The following NKAIN3 variants were observed in gnomAD, a reference collection of about 807,000 sequenced individuals.
The protein encoded by NKAIN3 is sodium/potassium transporting ATPase interacting 3.
A neutral mutation model predicts 30.2 loss-of-function variants in NKAIN3; 25 were observed. That is an observed-to-expected ratio of 0.83 (90% confidence interval 0.60 to 1.16). The LOEUF (loss-of-function observed/expected upper bound fraction) is 1.16, where lower values mean the gene tolerates loss of function less well. Among genes scored for constraint, NKAIN3 ranks in the 50% most tolerant of loss-of-function variants. The pLI, the probability that NKAIN3 is intolerant of heterozygous loss-of-function variation, is 0.00. For synonymous variants in NKAIN3, 91 were observed against 89.6 expected (o/e 1.02, Z -0.09); for missense variants, 225 against 254.1 (o/e 0.89, Z 0.78).
chr8:62,855,028 A>G (rs1820017986), intron 4 of NKAIN3: 1 of 153,808 alleles, frequency 6.5e-6, no homozygotes. Flanking sequence ...CTGGGCTGGA[A>G]ATTCTTTTCT....
chr8:62,462,835 A>G (rs951192445), intron 1 of NKAIN3, among the ~76,000 whole-genome samples: 2 of 152,220 alleles, frequency 1.3e-5, no homozygotes, highest in Admixed American at 1.3e-4. Flanking sequence ...GGCTGGAGCT[A>G]GGCAGCAACC....
At chr8:62,963,911 T>G (rs1156655892) in intron 6 of NKAIN3, among the ~76,000 whole-genome samples, 1 of 152,142 alleles carries the variant, frequency 6.6e-6, no homozygotes, top group East Asian at 1.9e-4. Flanking sequence ...AGTAAAACTT[T>G]TGGGAAATTT....
intron 3 of NKAIN3, among the ~76,000 whole-genome samples, chr8:62,729,053 C>T (rs377695044): frequency 1.9e-5 from 1 of 53,396 alleles, no homozygotes; most frequent in East Asian, 4.9e-4. Context: ...AAAAAAAAAA[C>T]CTCCTGCTCT....
At chr8:62,355,708 GCT>G (rs972984722) in intron 1 of NKAIN3, among the ~76,000 whole-genome samples, 3 of 152,102 alleles carry the variant, frequency 2.0e-5, no homozygotes, top group African/African-American at 7.2e-5. Flanking sequence ...TAGTGAAATT[GCT>G]CTTTCTCCCG....
At chr8:62,602,761 T>C (rs1048670916) in intron 3 of NKAIN3, among the ~76,000 whole-genome samples, 1 of 152,120 alleles carries the variant, frequency 6.6e-6, no homozygotes, top group African/African-American at 2.4e-5. Context: ...TGTTGGTCTG[T>C]TCCAGCTACT....
chr8:62,647,534 A>G (rs1586046406), intron 3 of NKAIN3, among the ~76,000 whole-genome samples: 1 of 152,126 alleles, frequency 6.6e-6, no homozygotes. Context: ...TTAACTAGGA[A>G]AGGGGTGGGG....
chr8:62,954,744 T>C (rs1342815346), intron 6 of NKAIN3, among the ~76,000 whole-genome samples: 1 of 152,210 alleles, frequency 6.6e-6, no homozygotes, highest in African/African-American at 2.4e-5. Context: ...ATATATTATC[T>C]CACTAAATCT....
chr8:62,843,550 G>C (rs910806227), intron 4 of NKAIN3, among the ~76,000 whole-genome samples: 4 of 151,842 alleles, frequency 2.6e-5, no homozygotes, highest in African/African-American at 7.3e-5. Context: ...GGCCAGGCTG[G>C]TCTCAAACCC....
At chr8:62,607,706 G>A (rs1461468507) in intron 3 of NKAIN3, among the ~76,000 whole-genome samples, 1 of 151,820 alleles carries the variant, frequency 6.6e-6, no homozygotes, top group Admixed American at 6.6e-5. Flanking sequence ...TTGAATTTGT[G>A]AAAAGGTGAA....
chr8:62,296,615 G>A (rs1429538049), intron 1 of NKAIN3, among the ~76,000 whole-genome samples: 2 of 152,146 alleles, frequency 1.3e-5, no homozygotes, highest in Non-Finnish European at 2.9e-5. Flanking sequence ...TGTATTTCAA[G>A]TGATTGAAAC....
At chr8:62,398,474 A>AACTTCC (rs1196814404) in intron 1 of NKAIN3, among the ~76,000 whole-genome samples, 2 of 152,242 alleles carry the variant, frequency 1.3e-5, no homozygotes, top group African/African-American at 4.8e-5. Context: ...GTTCTGCAAG[A>AACTTCC]ACTTCCATTG....
At chr8:62,672,857 A>G (rs9657077) in intron 3 of NKAIN3, among the ~76,000 whole-genome samples, 3 of 152,178 alleles carry the variant, frequency 2.0e-5, no homozygotes, top group African/African-American at 7.2e-5. Flanking sequence ...ATCTAAAAAA[A>G]TTGATTTTTT....
At chr8:62,540,923 T>G (rs1000945771) in intron 1 of NKAIN3, among the ~76,000 whole-genome samples, 1 of 152,166 alleles carries the variant, frequency 6.6e-6, no homozygotes, top group Non-Finnish European at 1.5e-5. Context: ...CAAATGGGAG[T>G]TTGGCTATAA....
chr8:62,502,282 T>C (rs188205195), intron 1 of NKAIN3, among the ~76,000 whole-genome samples: 2 of 152,284 alleles, frequency 1.3e-5, no homozygotes, highest in African/African-American at 4.8e-5. Context: ...TTGCTAAATG[T>C]CATGAAGAAT....
At chr8:62,581,112 TAAAATA>T (rs1409445915) in intron 2 of NKAIN3, among the ~76,000 whole-genome samples, 1 of 62,754 alleles carries the variant, frequency 1.6e-5, no homozygotes, top group South Asian at 6.1e-4. Context: ...CAAAAAAATA[TAAAATA>T]AAATAAAATA....
intron 1 of NKAIN3, among the ~76,000 whole-genome samples, chr8:62,414,423 A>G (rs1804365547): frequency 6.6e-6 from 1 of 152,152 alleles, no homozygotes; most frequent in Non-Finnish European, 1.5e-5. Context: ...AAAATCAACG[A>G]TACTGTTCTT....
rs959949192 is a variant in NKAIN3 at position 62,969,382 on chromosome 8, T to C, written c.*3975T>C. Among the ~76,000 whole-genome samples the C allele has an allele frequency of 3.2e-4, 49 of 152,200 alleles. No individual in the cohort carries two copies. Among genetic ancestry groups the C allele is most frequent in the African/African-American group, 1.2e-3 (48 of 41,458 alleles). The stretch of plus-strand genomic sequence containing the variant: ...AGAAAACAATCATGACTCTGCTAAT[T>C]TGAGAAGCAAAAACCAAAATTTCTC... On this transcript the variant is annotated 3_prime_UTR_variant, in exon 7 of 7. Coordinates refer to ENST00000623646, the MANE Select transcript of NKAIN3 (RefSeq NM_001304533.3).
chr8:62,829,261 A>G (rs537660536), intron 4 of NKAIN3, among the ~76,000 whole-genome samples: 29 of 152,246 alleles, frequency 1.9e-4, no homozygotes, highest in African/African-American at 7.0e-4. Context: ...AAAATGCCAA[A>G]CCTAATGCAT....
chr8:62,278,644 C>T (rs2129395467), intron 1 of NKAIN3, among the ~76,000 whole-genome samples: 1 of 152,110 alleles, frequency 6.6e-6, no homozygotes, highest in Non-Finnish European at 1.5e-5. Flanking sequence ...TTTTTTATCC[C>T]TGTGATAGTT....
Sources: gnomAD v4.1 joint callset for allele counts (sites outside exome capture counted in the v4.1 genomes callset) on GRCh38, gnomAD v4.1.1 for gene constraint, MANE v1.5 for transcripts, NCBI Gene and HGNC (gene_info 2026-07-23, HGNC 2026-07-21) for gene names.